The following SLCO3A1 variants were observed in gnomAD, a reference collection of about 807,000 sequenced individuals.
SLCO3A1 encodes PGE1 transporter.
SLCO3A1 carries 27 observed loss-of-function variants against 63.1 expected under a neutral mutation model. The observed-to-expected ratio is 0.43, with a 90% CI of 0.32 to 0.59. SLCO3A1 has a LOEUF of 0.59. Among genes scored for constraint, SLCO3A1 ranks in the 20% least tolerant of loss-of-function variants. The pLI, the probability that SLCO3A1 is intolerant of heterozygous loss-of-function variation, is 0.09. For synonymous variants in SLCO3A1, 473 were observed against 409.9 expected, an observed-to-expected ratio of 1.15 and a Z score of -1.86; for missense variants, 773 against 945.8, an observed-to-expected ratio of 0.82 and a Z score of 2.40.
chr15:91,870,362 C>G (rs1202440432), intron 1 of SLCO3A1, among the ~76,000 whole-genome samples: 1 of 152,166 alleles, frequency 6.6e-6, no homozygotes, highest in African/African-American at 2.4e-5. Context: ...TCTTTTGCTA[C>G]TAAATGTTGC....
At chr15:92,058,770 ACTT>A (rs577283506) in intron 2 of SLCO3A1, among the ~76,000 whole-genome samples, 95 of 152,146 alleles carry the variant, frequency 6.2e-4, no homozygotes, top group Non-Finnish European at 1.2e-3. Flanking sequence ...CTTAGGGTTA[ACTT>A]CTTCTGGAGG....
At chr15:91,891,706 T>A (rs1897874688) in intron 1 of SLCO3A1, among the ~76,000 whole-genome samples, 1 of 152,238 alleles carries the variant, frequency 6.6e-6, no homozygotes, top group African/African-American at 2.4e-5. Flanking sequence ...CAGCAATCTG[T>A]AAGTTAACAC....
Position 92,165,031 on chromosome 15 carries a change from T to G in SLCO3A1, c.*1896T>G, listed in dbSNP as rs2048482058. 2 of 976,430 alleles carry G rather than the reference T, an allele frequency of 2.0e-6. No individual in the cohort carries two copies. Among genetic ancestry groups the G allele is most frequent in the Non-Finnish European group, 2.4e-6 (2 of 822,318 alleles). 60.5% of individuals were successfully genotyped at this position (976,430 alleles called of 1,614,324 possible). On this transcript the variant is annotated 3_prime_UTR_variant, in exon 10 of 10. Transcript: ENST00000318445. ...TTTACCCACAAGGCAAACAAAAGAA[T>G]CAGGAAGTAAAAAATGGTTGGGAGT...
chr15:91,921,399 G>A (rs1898839329), intron 2 of SLCO3A1, among the ~76,000 whole-genome samples: 1 of 152,060 alleles, frequency 6.6e-6, no homozygotes, highest in African/African-American at 2.4e-5. Context: ...ATATGAATCT[G>A]GGGGAAGGAA....
intron 2 of SLCO3A1, among the ~76,000 whole-genome samples, chr15:92,066,552 C>G (rs887054325): frequency 1.3e-5 from 2 of 152,214 alleles, no homozygotes; most frequent in African/African-American, 4.8e-5. Context: ...ATGTGTCTTA[C>G]TGGTGAGTTC....
At chr15:91,953,469 G>A (rs1380715388) in intron 2 of SLCO3A1, among the ~76,000 whole-genome samples, 1 of 152,144 alleles carries the variant, frequency 6.6e-6, no homozygotes, top group Non-Finnish European at 1.5e-5. Flanking sequence ...AGGCTTAGGA[G>A]AGTTACCCAC....
exon 11 of SLCO3A1, chr15:92,172,277 A>G (rs1264829858): frequency 6.0e-6 from 1 of 165,354 alleles, no homozygotes; most frequent in African/African-American, 2.4e-5. Context: ...GTTGCATAGA[A>G]TGGAGGGGGG....
Position 91,872,297 on chromosome 15 carries a change from C to T in SLCO3A1, c.180+18209C>T, listed in dbSNP as rs181337355. 5.3e-5 allele frequency among the ~76,000 whole-genome samples: 8 copies of T among 152,264 alleles called. No individual in the cohort carries two copies. Among genetic ancestry groups the T allele is most frequent in the African/African-American group, 1.9e-4 (8 of 41,556 alleles). ...CCTGTAATCCCAGCACTTTGGGAAG[C>T]CAGTGCGGGCAGATCACGAGGTCAG... On this transcript the variant is annotated intron_variant, in intron 1 of 9. Transcript: ENST00000318445. The surrounding 1 kb of genome is among the most constrained non-coding windows in gnomAD (Gnocchi z 4.1).
intron 2 of SLCO3A1, among the ~76,000 whole-genome samples, chr15:92,081,326 G>C (rs2151523900): frequency 6.6e-6 from 1 of 151,084 alleles, no homozygotes; most frequent in Middle Eastern, 3.4e-3. Context: ...GTCAGTGCTG[G>C]TACCACTAGT....
At chr15:92,045,388 C>T (rs2046849018) in intron 2 of SLCO3A1, among the ~76,000 whole-genome samples, 1 of 151,892 alleles carries the variant, frequency 6.6e-6, no homozygotes, top group Admixed American at 6.6e-5. Flanking sequence ...AATTCTGCCA[C>T]CCAGAAATTA....
intron 1 of SLCO3A1, among the ~76,000 whole-genome samples, chr15:91,871,717 AC>A (rs1246217339): frequency 2.8e-5 from 3 of 108,902 alleles, no homozygotes; most frequent in African/African-American, 1.1e-4. Context: ...TTTCCCAGGC[AC>A]CTTTTGACTT....
At chr15:91,931,801 G>GCACACACACACA (rs747533145) in intron 2 of SLCO3A1, among the ~76,000 whole-genome samples, 1 of 149,770 alleles carries the variant, frequency 6.7e-6, no homozygotes, top group South Asian at 2.1e-4. Context: ...ACACACACAC[G>GCACACACACACA]CACACACACA....
chr15:92,113,902 A>C lies in SLCO3A1; in HGVS notation c.1010-6563A>C, dbSNP rs141446377. ...GAGTTTGAGTCAACATCACCTGTGG[A>C]GTTTCTTGAACCGCCCTGTTTGTGG... On this transcript the variant is annotated intron_variant, in intron 4 of 9. Transcript: ENST00000318445. Among the ~76,000 whole-genome samples the C allele has an allele frequency of 4.7e-3, 709 of 152,280 alleles. 6 individuals carry two copies. Among genetic ancestry groups the C allele is most frequent in the African/African-American group, 0.016 (662 of 41,548 alleles).
Position 91,941,644 on chromosome 15 carries a change from C to G in SLCO3A1, c.646+25186C>G, listed in dbSNP as rs1419330874. On this transcript the variant is annotated intron_variant, in intron 2 of 9. Transcript: ENST00000318445. This position sits in a 1 kb window ranked among gnomAD's most constrained non-coding sequence, Gnocchi z 4.4. ...CTTCTAATCTCCCATGGGTTTTGTA[C>G]TTTTTCTTACTCGGGATGTTTGTTT... The G allele has an allele frequency of 1.2e-5, 5 of 415,956 alleles. No homozygotes were observed. Among genetic ancestry groups the G allele is most frequent in the Middle Eastern group, 6.9e-4 (2 of 2,878 alleles). 25.8% of individuals were successfully genotyped at this position (415,956 alleles called of 1,614,324 possible).
chr15:92,155,322 T>A (rs2151597845), intron 9 of SLCO3A1: 1 of 152,394 alleles, frequency 6.6e-6, no homozygotes, highest in South Asian at 2.1e-4. Context: ...GAAACATACA[T>A]GTGCTGAGAC....
In SLCO3A1 at chr15:92,158,910, G is replaced by T. The variant is rs76293393; in HGVS notation, c.1754-3846G>T. Among the ~76,000 whole-genome samples, 974 of 152,340 alleles carry T rather than the reference G, an allele frequency of 6.4e-3. 11 individuals are homozygous for T. The highest frequency in any genetic ancestry group is 9.2e-3 in the Non-Finnish European group (624 of 68,038). On this transcript the variant is annotated intron_variant, in intron 9 of 9. Coordinates refer to ENST00000318445, the MANE Select transcript of SLCO3A1 (RefSeq NM_013272.4). ...AGAAAGCCAATATTTTCACTATTCA[G>T]AAGTATAAAAGGAATCTCACAAAGG...
At chr15:91,984,167 A>G (rs370114835) in intron 2 of SLCO3A1, among the ~76,000 whole-genome samples, 1 of 152,212 alleles carries the variant, frequency 6.6e-6, no homozygotes, top group East Asian at 1.9e-4. Context: ...TGGCCAAGCC[A>G]TGAGTTGCAG....
intron 2 of SLCO3A1, among the ~76,000 whole-genome samples, chr15:92,057,201 C>T (rs140540060): frequency 3.0e-4 from 45 of 152,296 alleles, no homozygotes; most frequent in Admixed American, 8.5e-4. Flanking sequence ...CCTGGACTGC[C>T]GGTAAGAAGG....
In SLCO3A1 at chr15:92,063,602, G is replaced by C. The variant is rs141727251; in HGVS notation, c.647-31279G>C. 3.2e-4 allele frequency among the ~76,000 whole-genome samples: 48 copies of C among 152,316 alleles called. No homozygotes were observed. The East Asian group carries it at 8.7e-3, about 28-fold the overall frequency. ...GGGCCGGGTGTGGTGGCTCATACCT[G>C]TAATCCCAGCACTTTGGGAGGCTGA... On this transcript the variant is annotated intron_variant, in intron 2 of 9. Transcript: ENST00000318445.
Sources: gnomAD v4.1 joint callset for allele counts (sites outside exome capture counted in the v4.1 genomes callset) on GRCh38, gnomAD v4.1.1 for gene constraint, Gnocchi (gnomAD v3.1) non-coding constraint, MANE v1.5 for transcripts, NCBI Gene and HGNC (gene_info 2026-07-23, HGNC 2026-07-21) for gene names.